The following ZNF385D variants were observed in gnomAD, a reference collection of about 807,000 sequenced individuals.
ZNF385D encodes the protein zinc finger protein 385D.
ZNF385D carries 15 observed loss-of-function variants against 35.8 expected under a neutral mutation model. The ratio of observed to expected loss-of-function variants is 0.42; its 90% CI spans 0.28 to 0.64. ZNF385D has a LOEUF of 0.64. Among genes scored for constraint, ZNF385D ranks in the 30% least tolerant of loss-of-function variants. The pLI, the probability that ZNF385D is intolerant of heterozygous loss-of-function variation, is 0.23. For missense variants in ZNF385D, 474 were observed against 494.6 expected, an observed-to-expected ratio of 0.96 and a Z score of 0.39; for synonymous variants, 212 against 186.8, an observed-to-expected ratio of 1.13 and a Z score of -1.10.
intron 3 of ZNF385D, among the ~76,000 whole-genome samples, chr3:21,976,065 G>A (rs1465745094): frequency 6.6e-6 from 1 of 152,100 alleles, no homozygotes. Context: ...CACCTTGAGG[G>A]ATGCACCATG....
chr3:21,436,686 T>C (rs927478671), intron 5 of ZNF385D: 6 of 340,918 alleles, frequency 1.8e-5, no homozygotes, highest in East Asian at 4.7e-5. Flanking sequence ...CTAGAAATCA[T>C]ATAAATGCAA....
intron 1 of ZNF385D, among the ~76,000 whole-genome samples, chr3:21,667,185 G>C (rs2125269718): frequency 6.6e-6 from 1 of 152,316 alleles, no homozygotes; most frequent in South Asian, 2.1e-4. Context: ...TTTTGAGACA[G>C]GATCTCACTC....
At chr3:21,874,910 A>G (rs980104184) in intron 3 of ZNF385D, among the ~76,000 whole-genome samples, 3 of 152,066 alleles carry the variant, frequency 2.0e-5, no homozygotes, top group Non-Finnish European at 4.4e-5. Context: ...TTCTTTTAGC[A>G]AAGCTTTATA....
intron 4 of ZNF385D, among the ~76,000 whole-genome samples, chr3:21,476,414 A>G (rs1371967389): frequency 6.6e-6 from 1 of 152,102 alleles, no homozygotes; most frequent in Non-Finnish European, 1.5e-5. Flanking sequence ...TAATAATTCT[A>G]AAAATTAGAC....
At chr3:21,467,693 T>G (rs1044479792) in intron 4 of ZNF385D, among the ~76,000 whole-genome samples, 6 of 152,148 alleles carry the variant, frequency 3.9e-5, no homozygotes, top group Non-Finnish European at 7.4e-5. Context: ...TTCCCCTCAG[T>G]GACCATGTGC....
intron 2 of ZNF385D, among the ~76,000 whole-genome samples, chr3:21,619,478 A>C (rs2064942667): frequency 6.6e-6 from 1 of 151,928 alleles, no homozygotes. Context: ...ATTTAGGTTC[A>C]ACTAGGTATG....
At chr3:21,710,918 T>A (rs1372271546) in intron 1 of ZNF385D, among the ~76,000 whole-genome samples, 2 of 152,040 alleles carry the variant, frequency 1.3e-5, no homozygotes, top group Non-Finnish European at 1.5e-5. Flanking sequence ...AATAATAAAG[T>A]CACTTTTCTA....
chr3:22,341,081 G>T (rs1193450156), intron 2 of ZNF385D, among the ~76,000 whole-genome samples: 1 of 152,160 alleles, frequency 6.6e-6, no homozygotes, highest in Admixed American at 6.5e-5. Flanking sequence ...AAAGAATCAA[G>T]AAAACCTGGT....
chr3:21,900,870 G>A lies in ZNF385D; in HGVS notation c.326-235842C>T, dbSNP rs544475755. On this transcript the variant is annotated intron_variant, in intron 3 of 5. Coordinates refer to the ZNF385D transcript ENST00000494108. ...GGTAATTAATTAAGTCCCCATGCCTGGACATCATCTAATTTAGTTCATACA... is the reference window on the plus strand; with the variant it reads ...GGTAATTAATTAAGTCCCCATGCCTAGACATCATCTAATTTAGTTCATACA... Among the ~76,000 whole-genome samples the A allele has an allele frequency of 1.7e-4, 26 of 152,210 alleles. No homozygotes were observed. The South Asian group carries it at 5.0e-3, about 29-fold the overall frequency.
intron 2 of ZNF385D, among the ~76,000 whole-genome samples, chr3:22,249,156 C>A (rs1051960324): frequency 1.1e-4 from 16 of 152,146 alleles, no homozygotes; most frequent in African/African-American, 3.9e-4. Context: ...CATGTCCATT[C>A]TAAATCCCAT....
At chr3:22,120,486 G>A (rs1703035530) in intron 3 of ZNF385D, among the ~76,000 whole-genome samples, 1 of 152,040 alleles carries the variant, frequency 6.6e-6, no homozygotes, top group South Asian at 2.1e-4. Context: ...GTGTCACACT[G>A]GGGATTAGGG....
rs1025303242 is a variant in ZNF385D at position 21,594,089 on chromosome 3, A to G, written c.166-29405T>C. ...AGAACACAGGGAATGAAAGGCAAGA[A>G]GCAACTCTAGCAGATAGGGCTCTTT... On this transcript the variant is annotated intron_variant, in intron 2 of 7. Transcript: ENST00000281523. Among the ~76,000 whole-genome samples the G allele has an allele frequency of 3.3e-5, 5 of 152,202 alleles. No individual in the cohort carries two copies. In the South Asian group the frequency reaches 1.0e-3, roughly 31 times the overall value.
chr3:21,808,377 C>A (rs1369838222), intron 3 of ZNF385D, among the ~76,000 whole-genome samples: 3 of 152,202 alleles, frequency 2.0e-5, no homozygotes, highest in Non-Finnish European at 4.4e-5. Flanking sequence ...GAAGCTATGA[C>A]TCCAGATTCT....
intron 3 of ZNF385D, among the ~76,000 whole-genome samples, chr3:21,839,525 T>G (rs1057343458): frequency 6.6e-6 from 1 of 152,180 alleles, no homozygotes; most frequent in East Asian, 1.9e-4. Context: ...CAAGAAAAAC[T>G]CAAATAGCAG....
At chr3:22,154,384 C>T (rs1341190288) in intron 3 of ZNF385D, among the ~76,000 whole-genome samples, 1 of 152,124 alleles carries the variant, frequency 6.6e-6, no homozygotes, top group Non-Finnish European at 1.5e-5. Flanking sequence ...CTCTTACCTT[C>T]CCAGGATCCA....
intron 3 of ZNF385D, among the ~76,000 whole-genome samples, chr3:22,046,229 C>T (rs1698999736): frequency 6.6e-6 from 1 of 152,024 alleles, no homozygotes; most frequent in African/African-American, 2.4e-5. Context: ...CACCAACACA[C>T]ATTTTTGTAG....
chr3:22,028,030 G>A (rs1435321229), intron 3 of ZNF385D, among the ~76,000 whole-genome samples: 2 of 152,164 alleles, frequency 1.3e-5, no homozygotes, highest in African/African-American at 2.4e-5. Context: ...TGCTCACTCT[G>A]CATGTAAGGA....
intron 3 of ZNF385D, among the ~76,000 whole-genome samples, chr3:21,530,746 C>G (rs867264766): frequency 6.6e-6 from 1 of 152,004 alleles, no homozygotes; most frequent in Non-Finnish European, 1.5e-5. Flanking sequence ...TCTAACAGTA[C>G]CCATCACTGC....
chr3:21,949,301 T>C (rs1054333939), intron 3 of ZNF385D, among the ~76,000 whole-genome samples: 2 of 152,208 alleles, frequency 1.3e-5, no homozygotes, highest in Non-Finnish European at 2.9e-5. Flanking sequence ...TGAGTGTTTG[T>C]GTCTGTGTGT....
Sources: gnomAD v4.1 joint callset for allele counts (sites outside exome capture counted in the v4.1 genomes callset) on GRCh38, gnomAD v4.1.1 for gene constraint, MANE v1.5 for transcripts, NCBI Gene and HGNC (gene_info 2026-07-23, HGNC 2026-07-21) for gene names.